The following FANCC variants were observed in gnomAD, a reference collection of about 807,000 sequenced individuals.
FANCC encodes FA complementation group C.
In FANCC, 55 loss-of-function variants were observed where a neutral mutation model predicts 71.3. The observed-to-expected ratio is 0.77, with a 90% CI of 0.62 to 0.97. The LOEUF (loss-of-function observed/expected upper bound fraction) is 0.97. Ranked by LOEUF, FANCC falls within the 50% of genes least tolerant of loss-of-function variation. The probability of loss-of-function intolerance (pLI) is 0.00; values close to 1 mark genes in which losing one functional copy is unlikely to be tolerated. For missense variants in FANCC, 678 were observed against 670.9 expected, an observed-to-expected ratio of 1.01 and a Z score of -0.12; for synonymous variants, 275 against 244.9, an observed-to-expected ratio of 1.12 and a Z score of -1.15.
intron 8 of FANCC, among the ~76,000 whole-genome samples, chr9:95,130,570 A>G (rs1826744725): frequency 6.6e-6 from 1 of 152,166 alleles, no homozygotes; most frequent in South Asian, 2.1e-4. Context: ...CTTTCCTGGT[A>G]TTTTCATGTA....
intron 4 of FANCC, among the ~76,000 whole-genome samples, chr9:95,178,311 C>T (rs966946241): frequency 6.6e-6 from 1 of 152,216 alleles, no homozygotes; most frequent in South Asian, 2.1e-4. Context: ...CAGCCTCTAA[C>T]GTCCAGACAT....
At position 95,272,214 on chromosome 9, in the gene FANCC, A is replaced by G. The variant is rs181989555; in HGVS notation, c.-78-22845T>C. The stretch of plus-strand genomic sequence containing the variant: ...TGGCCTCCCAAAGTTCTGGGATTAC[A>G]GTCACAAGCCACCGCGCCCGGCCCC... On this transcript the variant is annotated intron_variant, in intron 1 of 14. Coordinates refer to ENST00000289081, the MANE Select transcript of FANCC (RefSeq NM_000136.3). 7.5e-3 allele frequency among the ~76,000 whole-genome samples: 1,143 copies of G among 151,818 alleles called. 14 individuals carry two copies. Among genetic ancestry groups the G allele is most frequent in the African/African-American group, 0.026 (1,081 of 41,432 alleles).
At chr9:95,241,603 G>A (rs1830633366) in intron 3 of FANCC, among the ~76,000 whole-genome samples, 1 of 152,166 alleles carries the variant, frequency 6.6e-6, no homozygotes, top group Non-Finnish European at 1.5e-5. Flanking sequence ...GGCTAAGACA[G>A]CCGGTGCCTG....
chr9:95,193,260 G>GAAAGGTAAGA (rs1241804460), intron 4 of FANCC, among the ~76,000 whole-genome samples: 1 of 152,172 alleles, frequency 6.6e-6, no homozygotes, highest in Non-Finnish European at 1.5e-5. Context: ...ATCAAGACCT[G>GAAAGGTAAGA]AAAGGTAAGA....
intron 14 of FANCC, among the ~76,000 whole-genome samples, chr9:95,103,143 A>C (rs2071189433): frequency 6.6e-6 from 1 of 151,824 alleles, no homozygotes; most frequent in African/African-American, 2.4e-5. Context: ...GAGCGGGAGG[A>C]CTGTCCCCCG....
chr9:95,237,278 A>T (rs1048208730), intron 4 of FANCC, among the ~76,000 whole-genome samples: 6 of 152,210 alleles, frequency 3.9e-5, no homozygotes, highest in Admixed American at 2.0e-4. Flanking sequence ...TGCTCAATTC[A>T]GCCAACCCCA....
chr9:95,268,152 C>G (rs189292584), intron 1 of FANCC, among the ~76,000 whole-genome samples: 46 of 152,342 alleles, frequency 3.0e-4, no homozygotes, highest in African/African-American at 1.1e-3. Context: ...TTTATACAAC[C>G]CCTACAGAAA....
intron 4 of FANCC, among the ~76,000 whole-genome samples, chr9:95,183,396 G>T (rs1264662130): frequency 6.6e-6 from 1 of 152,202 alleles, no homozygotes; most frequent in African/African-American, 2.4e-5. Context: ...ACAGCTGGGA[G>T]CCACACAATA....
chr9:95,210,681 C>A (rs781044045), intron 4 of FANCC, among the ~76,000 whole-genome samples: 11 of 152,052 alleles, frequency 7.2e-5, no homozygotes, highest in Non-Finnish European at 1.5e-4. Context: ...GGATTTGAAC[C>A]CAGGCAATTA....
intron 1 of FANCC, among the ~76,000 whole-genome samples, chr9:95,304,913 C>T (rs1226733947): frequency 6.6e-6 from 1 of 152,146 alleles, no homozygotes; most frequent in Non-Finnish European, 1.5e-5. Flanking sequence ...TTACCAACTT[C>T]AGATTACAAT....
intron 4 of FANCC, among the ~76,000 whole-genome samples, chr9:95,211,606 A>G (rs1490086832): frequency 2.4e-4 from 36 of 152,184 alleles, no homozygotes; most frequent in Non-Finnish European, 1.5e-5. Context: ...TGCCGGGATA[A>G]AACAACACTC....
chr9:95,173,681 C>T (rs1465977836), intron 4 of FANCC, among the ~76,000 whole-genome samples: 2 of 152,118 alleles, frequency 1.3e-5, no homozygotes, highest in Admixed American at 6.5e-5. Context: ...TTTGGAAGGC[C>T]GAGACGGGCA....
At chr9:95,250,805 C>A (rs1425299415) in intron 1 of FANCC, among the ~76,000 whole-genome samples, 2 of 152,380 alleles carry the variant, frequency 1.3e-5, no homozygotes, top group Non-Finnish European at 2.9e-5. Flanking sequence ...TACTGCCAGG[C>A]TGGGCCTGCC....
At chr9:95,218,500 G>A (rs1325742501) in intron 4 of FANCC, among the ~76,000 whole-genome samples, 1 of 152,016 alleles carries the variant, frequency 6.6e-6, no homozygotes, top group Non-Finnish European at 1.5e-5. Flanking sequence ...CCCTGATGTC[G>A]AAACAAAGAC....
At chr9:95,270,366 G>A (rs115045733) in intron 1 of FANCC, among the ~76,000 whole-genome samples, 185 of 152,156 alleles carry the variant, frequency 1.2e-3, no homozygotes, top group Non-Finnish European at 2.2e-3. Flanking sequence ...CCGGAGAAAC[G>A]GCAAGCACTC....
intron 4 of FANCC, among the ~76,000 whole-genome samples, chr9:95,196,710 T>C (rs1399107919): frequency 6.6e-6 from 1 of 152,234 alleles, no homozygotes; most frequent in Non-Finnish European, 1.5e-5. Flanking sequence ...GCACACTCTC[T>C]GAGGGCCTGT....
chr9:95,275,473 T>C (rs1186282722), intron 1 of FANCC, among the ~76,000 whole-genome samples: 1 of 152,022 alleles, frequency 6.6e-6, no homozygotes, highest in African/African-American at 2.4e-5. Context: ...AAGAGTAAAC[T>C]CTAATGTTAA....
intron 4 of FANCC, among the ~76,000 whole-genome samples, chr9:95,194,235 C>T (rs946894975): frequency 3.3e-5 from 5 of 152,000 alleles, no homozygotes; most frequent in African/African-American, 1.2e-4. Flanking sequence ...CTTAGTACTC[C>T]CTTTGTGGAG....
intron 10 of FANCC, among the ~76,000 whole-genome samples, chr9:95,123,127 CTA>C (rs1317693057): frequency 6.6e-6 from 1 of 151,986 alleles, no homozygotes; most frequent in Non-Finnish European, 1.5e-5. Flanking sequence ...CAGAGAGACT[CTA>C]TCTCTACAAA....
Sources: allele counts gnomAD v4.1 joint callset (sites outside exome capture counted in the v4.1 genomes callset), GRCh38; gene constraint gnomAD v4.1.1; transcripts MANE v1.5; gene names NCBI Gene and HGNC (gene_info 2026-07-23, HGNC 2026-07-21).